Variants in XKR9 observed in about 807,000 individuals in gnomAD.
XKR9 encodes XK related 9.
In XKR9, 32 loss-of-function variants were observed where a neutral mutation model predicts 32.0. The ratio of observed to expected loss-of-function variants is 1.00; its 90% confidence interval spans 0.76 to 1.34. The LOEUF (loss-of-function observed/expected upper bound fraction) is 1.34. XKR9 is among the 40% of genes most tolerant of loss of function. The probability of loss-of-function intolerance (pLI) is 0.00; values close to 1 mark genes in which losing one functional copy is unlikely to be tolerated. For missense variants in XKR9, 546 were observed against 429.7 expected, an observed-to-expected ratio of 1.27 and a Z score of -2.39; for synonymous variants, 168 against 143.4, an observed-to-expected ratio of 1.17 and a Z score of -1.22.
chr8:70,777,090 A>G (rs1017424649), intron 2 of XKR9, among the ~76,000 whole-genome samples: 1 of 151,462 alleles, frequency 6.6e-6, no homozygotes, highest in Non-Finnish European at 1.5e-5. Flanking sequence ...TGTTTCTCCT[A>G]ATGCTATCCC....
At chr8:70,754,217 G>A (rs139245070) in intron 2 of XKR9, among the ~76,000 whole-genome samples, 1 of 147,978 alleles carries the variant, frequency 6.8e-6, no homozygotes, top group African/African-American at 2.4e-5. Context: ...GGGATGTGAA[G>A]GATCTCTTCA....
chr8:70,872,760 A>T, the XKR9 span, among the ~76,000 whole-genome samples: 2 of 152,112 alleles, frequency 1.3e-5, no homozygotes, highest in Non-Finnish European at 2.9e-5. Context: ...TCCCAGGTGC[A>T]AGCGATTCTC....
chr8:70,973,676 G>C, the XKR9 span, among the ~76,000 whole-genome samples: 3 of 152,070 alleles, frequency 2.0e-5, no homozygotes, highest in East Asian at 5.8e-4. Context: ...TTATTACTCA[G>C]TTCAAAAAGC....
At chr8:70,748,103 A>C (rs1386273081) in intron 2 of XKR9, among the ~76,000 whole-genome samples, 1 of 152,222 alleles carries the variant, frequency 6.6e-6, no homozygotes. Context: ...CATATAAAAA[A>C]ATTTAGAATT....
chr8:70,757,406 C>A (rs1586885939), intron 2 of XKR9, among the ~76,000 whole-genome samples: 1 of 151,976 alleles, frequency 6.6e-6, no homozygotes, highest in African/African-American at 2.4e-5. Flanking sequence ...CCTGTTGAGA[C>A]CTTCTAGCAA....
chr8:70,914,759 C>T, the XKR9 span, among the ~76,000 whole-genome samples: 1 of 152,174 alleles, frequency 6.6e-6, no homozygotes, highest in Admixed American at 6.5e-5. Context: ...TCCTTTATGG[C>T]TACTGCTTTT....
intron 2 of XKR9, among the ~76,000 whole-genome samples, chr8:70,679,015 G>C (rs1213719918): frequency 6.6e-6 from 1 of 152,170 alleles, no homozygotes; most frequent in Non-Finnish European, 1.5e-5. Context: ...CTGGACACTG[G>C]AAGTCCAAGA....
chr8:70,914,038 T>TA, the XKR9 span, among the ~76,000 whole-genome samples: 1 of 152,190 alleles, frequency 6.6e-6, no homozygotes, highest in Non-Finnish European at 1.5e-5. Flanking sequence ...TATGAACATT[T>TA]AAAAATATAT....
At chr8:71,017,089 A>G in the XKR9 span, among the ~76,000 whole-genome samples, 1 of 152,304 alleles carries the variant, frequency 6.6e-6, no homozygotes, top group South Asian at 2.1e-4. Context: ...CACTTCAGCA[A>G]ACTACCAATG....
Position 70,778,775 on chromosome 8 carries a change from T to C in XKR9, n.353-10564T>C, listed in dbSNP as rs561014833. On this transcript the variant is annotated intron_variant and non_coding_transcript_variant, in intron 2 of 3. Transcript: ENST00000520273. ...GTCTGTTATTGGTGTATAGGGATGC[T>C]TGTGATTTTTGCACATTGATTTTGT... Among the ~76,000 whole-genome samples the C allele has an allele frequency of 6.6e-5, 10 of 152,308 alleles. 1 individual carries two copies. The East Asian group carries it at 1.9e-3, about 29-fold the overall frequency.
chr8:71,043,814 G>T, the XKR9 span, among the ~76,000 whole-genome samples: 1 of 151,494 alleles, frequency 6.6e-6, no homozygotes, highest in African/African-American at 2.4e-5. Flanking sequence ...CTAATTACGA[G>T]ATACCAAAAA....
downstream of XKR9, among the ~76,000 whole-genome samples, chr8:70,791,914 C>G (rs1271915792): frequency 6.6e-6 from 1 of 152,010 alleles, no homozygotes; most frequent in East Asian, 1.9e-4. Context: ...ACAAGAATTT[C>G]TATAGAAACT....
At chr8:70,935,206 T>TACACACACACAC in the XKR9 span, among the ~76,000 whole-genome samples, 3 of 82,592 alleles carry the variant, frequency 3.6e-5, no homozygotes, top group Admixed American at 1.4e-4. Flanking sequence ...CATATACATA[T>TACACACACACAC]ATACACACAC....
chr8:70,863,891 A>C, the XKR9 span, among the ~76,000 whole-genome samples: 1 of 152,240 alleles, frequency 6.6e-6, no homozygotes, highest in African/African-American at 2.4e-5. Flanking sequence ...AAAAATTACT[A>C]TACCAATGTA....
intron 4 of XKR9, among the ~76,000 whole-genome samples, chr8:70,733,155 T>G (rs891793732): frequency 6.6e-6 from 1 of 152,178 alleles, no homozygotes; most frequent in South Asian, 2.1e-4. Context: ...TACTTTTCTG[T>G]TATTTGCTGA....
At chr8:70,898,388 T>G in the XKR9 span, among the ~76,000 whole-genome samples, 1 of 152,182 alleles carries the variant, frequency 6.6e-6, no homozygotes, top group Non-Finnish European at 1.5e-5. Flanking sequence ...CAGGACAGCT[T>G]TGGCTATTCT....
chr8:70,698,746 C>T (rs1341384552), intron 3 of XKR9, among the ~76,000 whole-genome samples: 1 of 152,230 alleles, frequency 6.6e-6, no homozygotes, highest in African/African-American at 2.4e-5. Context: ...TCCTCGTTAA[C>T]TTTCTGTCTT....
intron 4 of XKR9, among the ~76,000 whole-genome samples, chr8:70,716,721 T>G (rs916478385): frequency 2.6e-5 from 4 of 152,096 alleles, no homozygotes; most frequent in African/African-American, 9.7e-5. Context: ...TCCCAGCCCC[T>G]CCCAAATCTC....
chr8:71,046,569 A>T, the XKR9 span, among the ~76,000 whole-genome samples: 2 of 152,212 alleles, frequency 1.3e-5, no homozygotes, highest in Admixed American at 6.5e-5. Context: ...TGAGGCTCAT[A>T]GGAGTCAAAC....
Sources: allele counts gnomAD v4.1 joint callset (sites outside exome capture counted in the v4.1 genomes callset), GRCh38; gene constraint gnomAD v4.1.1; transcripts MANE v1.5; gene names NCBI Gene and HGNC (gene_info 2026-07-23, HGNC 2026-07-21).